Variants in RSPO4 observed in about 807,000 individuals in gnomAD.
RSPO4 encodes the protein R-spondin-4.
In RSPO4, 23 loss-of-function variants were observed where a neutral mutation model predicts 24.8. The observed-to-expected ratio is 0.93, with a 90% confidence interval of 0.67 to 1.31. The LOEUF (loss-of-function observed/expected upper bound fraction) is 1.31. RSPO4 is among the 40% of genes most tolerant of loss of function. The pLI, the probability that RSPO4 is intolerant of heterozygous loss-of-function variation, is 0.00. For synonymous variants in RSPO4, 141 were observed against 127.4 expected (o/e 1.11, Z -0.72); for missense variants, 333 against 316.5 (o/e 1.05, Z -0.39).
At chr20:991,199 G>A (rs534763983) in intron 1 of RSPO4, among the ~76,000 whole-genome samples, 1 of 152,284 alleles carries the variant, frequency 6.6e-6, no homozygotes, top group South Asian at 2.1e-4. Flanking sequence ...CCTCAGCCCC[G>A]TGAGTAGCTG....
At chr20:996,215 C>G (rs894752563) in intron 1 of RSPO4, among the ~76,000 whole-genome samples, 5 of 152,226 alleles carry the variant, frequency 3.3e-5, no homozygotes, top group African/African-American at 1.2e-4. Context: ...CTATTCCATT[C>G]CGTTCTGTTC....
Position 960,360 on chromosome 20 carries a change from G to A in RSPO4, c.702C>T (p.Pro234=), listed in dbSNP as rs1416820212. The A allele has an allele frequency of 6.5e-7, 1 of 1,535,802 alleles. No individual in the cohort carries two copies. Among genetic ancestry groups the A allele is most frequent in the Non-Finnish European group, 8.7e-7 (1 of 1,146,026 alleles). ...DVRPRQPGLQ[P] ...AGAGAGTCGGGAGAGCCGGCGGTCA[G>A]GGCTGCAGGCCGGGCTGGCGCGGCC... Residue 234 remains proline (P), a synonymous_variant, in exon 5 of 5, where the codon CCC becomes CCT. Coordinates refer to ENST00000217260, the MANE Select transcript of RSPO4 (RefSeq NM_001029871.4).
At chr20:986,792 A>G (rs1984936776) in intron 1 of RSPO4, among the ~76,000 whole-genome samples, 1 of 152,110 alleles carries the variant, frequency 6.6e-6, no homozygotes. Flanking sequence ...AATCAATAAG[A>G]AAAAGGGGAA....
chr20:978,957 A>T (rs1984653165), intron 1 of RSPO4, among the ~76,000 whole-genome samples: 2 of 151,998 alleles, frequency 1.3e-5, no homozygotes, highest in Non-Finnish European at 2.9e-5. Flanking sequence ...GAATAGGCAC[A>T]CATCCAAAAT....
intron 1 of RSPO4, 108 bp from the exon 2 acceptor site, chr20:968,246 G>A: frequency 1.0e-6 from 1 of 967,392 alleles, no homozygotes; most frequent in Non-Finnish European, 1.6e-6. Context: ...TGGGCACATG[G>A]CCACCCAAAC....
At chr20:964,175 AG>A (rs751885648) in intron 3 of RSPO4, 55 bp from the exon 4 acceptor site, 140 of 1,459,366 alleles carry the variant, frequency 9.6e-5, no homozygotes, top group Non-Finnish European at 1.3e-4. Flanking sequence ...GCCGGCAGTG[AG>A]GGTCCTTCAG....
rs778130157 is a variant in RSPO4 at position 968,097 on chromosome 20, A to G, written c.121T>C (p.Cys41Arg). The change falls in exon 2 of 5, where the codon TGC becomes CGC. Residue 41 changes from cysteine (C) to arginine (R), a missense_variant. Coordinates refer to ENST00000217260, the MANE Select transcript of RSPO4 (RefSeq NM_001029871.4). Reference sequence around the variant, plus strand: ...GTGGAACAGCCGTTCTCCTCTGAGCAGATGATACAGCCTGTGCAGTTGCCC... The same window carrying G: ...GTGGAACAGCCGTTCTCCTCTGAGCGGATGATACAGCCTGTGCAGTTGCCC... ...LGGNCTGCII[C>R]SEENGCSTCQ... 1.5e-5 allele frequency: 25 copies of G among 1,614,106 alleles called. No homozygotes were observed. The South Asian group carries it at 2.7e-4, about 18-fold the overall frequency.
intron 1 of RSPO4, among the ~76,000 whole-genome samples, chr20:989,917 T>C (rs569020920): frequency 1.8e-3 from 271 of 152,340 alleles, no homozygotes; most frequent in African/African-American, 6.3e-3. Context: ...AGGCTAATGC[T>C]GGCTGAGTGT....
chr20:990,449 T>C (rs1985060576), intron 1 of RSPO4, among the ~76,000 whole-genome samples: 1 of 151,740 alleles, frequency 6.6e-6, no homozygotes, highest in Non-Finnish European at 1.5e-5. Context: ...ATTCTTTCTC[T>C]TTCTCTTTTC....
intron 1 of RSPO4, among the ~76,000 whole-genome samples, chr20:972,633 G>A (rs1884110): frequency 0.29 from 44,334 of 152,126 alleles, 8,668 homozygotes; most frequent in African/African-American, 0.55. Context: ...TTAACCCAGG[G>A]CTGCCCACCG....
At position 996,119 on chromosome 20, in the gene RSPO4, T is replaced by C. The variant is rs146642890; in HGVS notation, c.79+5967A>G. On this transcript the variant is annotated intron_variant, in intron 1 of 4. Transcript: ENST00000217260. The stretch of plus-strand genomic sequence containing the variant: ...TAAGAAGAGTGGAGTACATGACAGA[T>C]TGTATGTGGTTTGCAAGGCCTAAAG... Among the ~76,000 whole-genome samples the C allele has an allele frequency of 3.3e-5, 5 of 151,996 alleles. No individual in the cohort carries two copies. In the East Asian group the frequency reaches 5.8e-4, roughly 18 times the overall value.
chr20:973,102 C>A (rs1248263891), intron 1 of RSPO4, among the ~76,000 whole-genome samples: 1 of 152,190 alleles, frequency 6.6e-6, no homozygotes, highest in African/African-American at 2.4e-5. Context: ...CATCACTCTG[C>A]CCCACGCTGC....
chr20:969,451 G>A (rs1984340658), intron 1 of RSPO4, among the ~76,000 whole-genome samples: 1 of 152,234 alleles, frequency 6.6e-6, no homozygotes. Context: ...CTGCAAGAAG[G>A]TGCCAGCATC....
intron 1 of RSPO4, among the ~76,000 whole-genome samples, chr20:978,527 T>C (rs939600621): frequency 2.0e-5 from 3 of 152,208 alleles, no homozygotes; most frequent in African/African-American, 7.2e-5. Flanking sequence ...ATTCATTATT[T>C]CTTAAATGAA....
chr20:960,492 G>T, intron 4 of RSPO4, 26 bp from the exon 5 acceptor site: 2 of 1,508,362 alleles, frequency 1.3e-6, no homozygotes, highest in Non-Finnish European at 1.8e-6. Context: ...AGAGCCCGGT[G>T]ACCAAGGCTG....
intron 1 of RSPO4, among the ~76,000 whole-genome samples, chr20:983,445 G>T (rs187355821): frequency 6.6e-6 from 1 of 152,228 alleles, no homozygotes; most frequent in South Asian, 2.1e-4. Context: ...AGGCCAGGAT[G>T]GGGGTGAGGG....
At chr20:962,787 G>T (rs1984045599) in intron 4 of RSPO4, among the ~76,000 whole-genome samples, 1 of 152,150 alleles carries the variant, frequency 6.6e-6, no homozygotes, top group Non-Finnish European at 1.5e-5. Context: ...CCTTCATCAT[G>T]ACTTTAGATT....
At chr20:978,880 A>C (rs1984650774) in intron 1 of RSPO4, among the ~76,000 whole-genome samples, 1 of 151,964 alleles carries the variant, frequency 6.6e-6, no homozygotes, top group Non-Finnish European at 1.5e-5. Flanking sequence ...CAGATGGCAA[A>C]TCCCCGCTAA....
chr20:961,354 A>G (rs1373663869), intron 4 of RSPO4, among the ~76,000 whole-genome samples: 1 of 152,226 alleles, frequency 6.6e-6, no homozygotes, highest in Non-Finnish European at 1.5e-5. Flanking sequence ...CTGAGGCTCC[A>G]TGAGTCACTT....
Sources: gnomAD v4.1 joint callset for allele counts (sites outside exome capture counted in the v4.1 genomes callset) on GRCh38, gnomAD v4.1.1 for gene constraint, MANE v1.5 for transcripts, NCBI Gene and HGNC (gene_info 2026-07-23, HGNC 2026-07-21) for gene names.